PRELID2: variants seen among roughly 807,000 people sequenced by gnomAD.
PRELID2 encodes the protein PRELI domain containing 2, also known as PRELI domain-containing protein 2.
PRELID2 carries 25 observed loss-of-function variants against 28.4 expected under a neutral mutation model. The ratio of observed to expected loss-of-function variants is 0.88; its 90% CI spans 0.64 to 1.23. PRELID2 has a LOEUF of 1.23. PRELID2 is among the 50% of genes most tolerant of loss of function. The pLI, the probability that PRELID2 is intolerant of heterozygous loss-of-function variation, is 0.00. For synonymous variants in PRELID2, 76 were observed against 71.6 expected (o/e 1.06, Z -0.31); for missense variants, 201 against 214.4 (o/e 0.94, Z 0.39).
chr5:145,445,020 A>G, the PRELID2 span, among the ~76,000 whole-genome samples: 1 of 152,092 alleles, frequency 6.6e-6, no homozygotes, highest in African/African-American at 2.4e-5. Flanking sequence ...ACAGAAATAG[A>G]TTTTTAAAAT....
At chr5:145,442,275 G>C in the PRELID2 span, among the ~76,000 whole-genome samples, 4 of 152,062 alleles carry the variant, frequency 2.6e-5, no homozygotes, top group Non-Finnish European at 5.9e-5. Flanking sequence ...AGTTGTATGA[G>C]AGCAAGACTT....
the PRELID2 span, chr5:145,229,236 C>G: frequency 9.0e-6 from 7 of 777,738 alleles, no homozygotes; most frequent in Admixed American, 5.2e-5. Flanking sequence ...GATGAAGGTC[C>G]CTGGAGGGCT....
the PRELID2 span, among the ~76,000 whole-genome samples, chr5:145,432,228 A>C: frequency 6.6e-6 from 1 of 152,080 alleles, no homozygotes; most frequent in Admixed American, 6.5e-5. Flanking sequence ...TTTATTTTTC[A>C]AGAAATAAAC....
chr5:145,468,378 C>T (rs374856591), downstream of PRELID2, among the ~76,000 whole-genome samples: 12 of 152,076 alleles, frequency 7.9e-5, no homozygotes, highest in East Asian at 1.9e-4. Flanking sequence ...AATAAACATA[C>T]GTGTGCATGT....
chr5:145,722,428 T>C (rs774258903), intron 1 of PRELID2, among the ~76,000 whole-genome samples: 1 of 152,180 alleles, frequency 6.6e-6, no homozygotes, highest in Non-Finnish European at 1.5e-5. Flanking sequence ...GTCTCCAGAC[T>C]AGCTGGGATT....
chr5:145,579,594 G>A (rs1034361257), intron 1 of PRELID2, among the ~76,000 whole-genome samples: 1 of 152,066 alleles, frequency 6.6e-6, no homozygotes, highest in African/African-American at 2.4e-5. Flanking sequence ...AGCAAATAGA[G>A]TTGTCTGTAG....
the PRELID2 span, among the ~76,000 whole-genome samples, chr5:145,326,523 GTA>G: frequency 6.6e-6 from 1 of 152,068 alleles, no homozygotes; most frequent in Admixed American, 6.6e-5. Context: ...GTTTTGTCTC[GTA>G]TATGTTTATA....
chr5:145,361,587 C>A, the PRELID2 span, among the ~76,000 whole-genome samples: 5 of 152,208 alleles, frequency 3.3e-5, no homozygotes, highest in Non-Finnish European at 7.4e-5. Context: ...GTTCTTTGAC[C>A]AAATCTGCAC....
chr5:145,316,449 C>T, the PRELID2 span, among the ~76,000 whole-genome samples: 1 of 152,160 alleles, frequency 6.6e-6, no homozygotes, highest in East Asian at 1.9e-4. Flanking sequence ...TAAACATTTA[C>T]CAACACACCA....
the PRELID2 span, among the ~76,000 whole-genome samples, chr5:145,381,032 C>T: frequency 2.0e-5 from 3 of 152,126 alleles, no homozygotes; most frequent in Non-Finnish European, 4.4e-5. Flanking sequence ...TCTGCTTCAT[C>T]GTAGCATGTA....
the PRELID2 span, among the ~76,000 whole-genome samples, chr5:145,300,465 ACAAATT>A: frequency 2.6e-5 from 4 of 152,102 alleles, no homozygotes; most frequent in Non-Finnish European, 5.9e-5. Context: ...ACTGATAACT[ACAAATT>A]CAAATTTTAA....
At chr5:145,389,258 G>T in the PRELID2 span, among the ~76,000 whole-genome samples, 7 of 152,078 alleles carry the variant, frequency 4.6e-5, no homozygotes, top group Non-Finnish European at 7.3e-5. Flanking sequence ...TCAGATTATG[G>T]CTGTTACACA....
chr5:145,677,448 C>T (rs1166129265), intron 1 of PRELID2, among the ~76,000 whole-genome samples: 1 of 151,900 alleles, frequency 6.6e-6, no homozygotes, highest in African/African-American at 2.4e-5. Context: ...AGCCACCATG[C>T]CTGGCTGAAA....
chr5:145,383,051 C>T, the PRELID2 span, among the ~76,000 whole-genome samples: 1 of 151,478 alleles, frequency 6.6e-6, no homozygotes, highest in Non-Finnish European at 1.5e-5. Flanking sequence ...ATATCATTTC[C>T]TCCAGATTGA....
chr5:145,418,886 C>A, the PRELID2 span, among the ~76,000 whole-genome samples: 4 of 146,484 alleles, frequency 2.7e-5, no homozygotes, highest in African/African-American at 1.0e-4. Flanking sequence ...CCCCTACCCC[C>A]ACCCCACAAC....
intron 5 of PRELID2, among the ~76,000 whole-genome samples, chr5:145,783,430 A>C (rs1478465748): frequency 1.3e-5 from 2 of 152,246 alleles, no homozygotes; most frequent in Non-Finnish European, 2.9e-5. Flanking sequence ...CTCTAGAGGT[A>C]ATAGTAGTAG....
At chr5:145,257,516 A>G in the PRELID2 span, among the ~76,000 whole-genome samples, 1 of 152,212 alleles carries the variant, frequency 6.6e-6, no homozygotes, top group Non-Finnish European at 1.5e-5. Flanking sequence ...AAATAATTTC[A>G]TGAAAGCAAT....
the PRELID2 span, among the ~76,000 whole-genome samples, chr5:145,301,708 G>A: frequency 0.011 from 1,627 of 152,098 alleles, 35 homozygotes; most frequent in African/African-American, 0.038. Context: ...AGTTAAGATC[G>A]TTTGATTACA....
the PRELID2 span, among the ~76,000 whole-genome samples, chr5:145,409,480 G>T: frequency 6.6e-6 from 1 of 152,028 alleles, no homozygotes; most frequent in Admixed American, 6.6e-5. Context: ...CAAGAGACTC[G>T]CCTAACACAT....
Sources: allele counts gnomAD v4.1 joint callset (sites outside exome capture counted in the v4.1 genomes callset), GRCh38; gene constraint gnomAD v4.1.1; transcripts MANE v1.5; gene names NCBI Gene and HGNC (gene_info 2026-07-23, HGNC 2026-07-21).